Variants in ZC3H12B observed in about 807,000 individuals in gnomAD.
The protein encoded by ZC3H12B is zinc finger CCCH-type containing 12B, also known as probable ribonuclease ZC3H12B.
In ZC3H12B, 7 loss-of-function variants were observed where a neutral mutation model predicts 43.9. The observed-to-expected ratio is 0.16, with a 90% CI of 0.09 to 0.30. ZC3H12B has a LOEUF of 0.30. Ranked by LOEUF, ZC3H12B falls within the 10% of genes least tolerant of loss-of-function variation. The pLI, the probability that ZC3H12B is intolerant of heterozygous loss-of-function variation, is 1.00. For missense variants in ZC3H12B, 475 were observed against 670.2 expected, an observed-to-expected ratio of 0.71 and a Z score of 3.22; for synonymous variants, 222 against 241.7, an observed-to-expected ratio of 0.92 and a Z score of 0.76.
chrX:65,399,802 G>A (rs2066742575), intron 3 of ZC3H12B, among the ~76,000 whole-genome samples: 1 of 112,161 alleles, frequency 8.9e-6, no homozygotes, highest in African/African-American at 3.2e-5. Flanking sequence ...AGATGACTGG[G>A]TAAAGACAAT....
the ZC3H12B span, among the ~76,000 whole-genome samples, chrX:65,063,221 G>A: frequency 8.9e-6 from 1 of 111,792 alleles, no homozygotes; most frequent in Non-Finnish European, 1.9e-5. Context: ...GTAAGAGAGG[G>A]CATCCTTGTC....
At chrX:65,261,422 A>G in the ZC3H12B span, among the ~76,000 whole-genome samples, 313 of 111,353 alleles carry the variant, frequency 2.8e-3, no homozygotes, top group African/African-American at 9.3e-3. Context: ...GCGTAGCATC[A>G]AAGTACACCT....
At chrX:65,426,670 C>A (rs750829992) in intron 3 of ZC3H12B, among the ~76,000 whole-genome samples, 2 of 111,631 alleles carry the variant, frequency 1.8e-5, no homozygotes, top group Non-Finnish European at 3.8e-5. Flanking sequence ...TATGTTGTAT[C>A]TTTGTTCTCA....
rs139614198 is a variant in ZC3H12B, at chrX:65,418,891, C to T, written n.407+20187C>T. 7.8e-3 allele frequency among the ~76,000 whole-genome samples: 871 copies of T among 111,763 alleles called. 6 individuals carry two copies. Among genetic ancestry groups the T allele is most frequent in the Non-Finnish European group, 0.012 (660 of 53,119 alleles). On this transcript the variant is annotated intron_variant and non_coding_transcript_variant, in intron 3 of 5. Coordinates refer to the ZC3H12B transcript ENST00000617377. ...GTACTGTTAATCTTTCTCCATCCTT[C>T]CCCAAAGGGACCTATGGCCTTTTAC...
At chrX:65,190,995 GT>G in the ZC3H12B span, among the ~76,000 whole-genome samples, 2 of 88,308 alleles carry the variant, frequency 2.3e-5, no homozygotes, top group Non-Finnish European at 4.1e-5. Flanking sequence ...TTTATTGAGA[GT>G]TTTTAGCATG....
At chrX:65,385,008 A>G (rs1381906414) in intron 2 of ZC3H12B, among the ~76,000 whole-genome samples, 1 of 111,687 alleles carries the variant, frequency 9.0e-6, no homozygotes, top group African/African-American at 3.3e-5. Context: ...TTTTGTCTAC[A>G]TCTCTGTTTT....
chrX:65,270,767 GA>G, the ZC3H12B span: 1 of 111,566 alleles, frequency 9.0e-6, no homozygotes, highest in Non-Finnish European at 1.9e-5. Flanking sequence ...CTGACTTCTG[GA>G]AGAGTCATGA....
the ZC3H12B span, among the ~76,000 whole-genome samples, chrX:65,058,445 T>C: frequency 1.8e-5 from 2 of 111,906 alleles, no homozygotes; most frequent in East Asian, 5.6e-4. Flanking sequence ...AAGTTTTGTC[T>C]CAGAGGGGTA....
At chrX:65,260,197 AC>A in the ZC3H12B span, among the ~76,000 whole-genome samples, 1 of 110,485 alleles carries the variant, frequency 9.1e-6, no homozygotes, top group African/African-American at 3.3e-5. Flanking sequence ...ATAAAACACC[AC>A]CTGTTCCCAA....
the ZC3H12B span, among the ~76,000 whole-genome samples, chrX:65,244,727 C>CAAAAAAAAAAAAAAAAAAAAAAAAA: frequency 4.9e-5 from 1 of 20,370 alleles, no homozygotes; most frequent in African/African-American, 2.0e-4. Context: ...AATACCTTGC[C>CAAAAAAAAAAAAAAAAAAAAAAAAA]AAAAAAAAAA....
the ZC3H12B span, among the ~76,000 whole-genome samples, chrX:65,167,347 G>A: frequency 9.0e-6 from 1 of 111,529 alleles, no homozygotes; most frequent in Non-Finnish European, 1.9e-5. Flanking sequence ...AAGATCAGAT[G>A]TTTGTAGATG....
chrX:65,078,258 G>A, the ZC3H12B span, among the ~76,000 whole-genome samples: 7 of 112,179 alleles, frequency 6.2e-5, no homozygotes, highest in South Asian at 1.9e-3. Flanking sequence ...TTTCAAGGAT[G>A]GAGATATAAA....
At chrX:65,038,268 TG>T in the ZC3H12B span, among the ~76,000 whole-genome samples, 1 of 111,678 alleles carries the variant, frequency 9.0e-6, no homozygotes, top group African/African-American at 3.2e-5. Context: ...TGGTATCTTT[TG>T]CTGCCAGCAG....
At chrX:65,215,393 C>T in the ZC3H12B span, among the ~76,000 whole-genome samples, 1 of 111,580 alleles carries the variant, frequency 9.0e-6, no homozygotes, top group Non-Finnish European at 1.9e-5. Context: ...GGGAAACTTG[C>T]AGCTTCTCCA....
the ZC3H12B span, among the ~76,000 whole-genome samples, chrX:65,157,790 A>T: frequency 9.3e-6 from 1 of 107,265 alleles, no homozygotes; most frequent in Non-Finnish European, 1.9e-5. Flanking sequence ...TTATTATTAT[A>T]CTTTAAATTT....
At chrX:65,053,571 T>C in the ZC3H12B span, among the ~76,000 whole-genome samples, 1 of 111,849 alleles carries the variant, frequency 8.9e-6, no homozygotes, top group African/African-American at 3.3e-5. Context: ...TAAACATACA[T>C]GTGCATGTGT....
At chrX:65,214,524 G>A in the ZC3H12B span, among the ~76,000 whole-genome samples, 5 of 111,579 alleles carry the variant, frequency 4.5e-5, no homozygotes, top group Non-Finnish European at 7.5e-5. Flanking sequence ...GGAAACAAAT[G>A]TTCATCCGTT....
the ZC3H12B span, among the ~76,000 whole-genome samples, chrX:65,209,582 G>T: frequency 9.4e-6 from 1 of 106,489 alleles, no homozygotes; most frequent in African/African-American, 3.4e-5. Flanking sequence ...ATTTGCTGAG[G>T]AGAGCTTTAC....
At chrX:65,407,879 G>C (rs2066853396) in intron 3 of ZC3H12B, among the ~76,000 whole-genome samples, 1 of 113,703 alleles carries the variant, frequency 8.8e-6, no homozygotes, top group Non-Finnish European at 1.9e-5. Context: ...GAGGGCCGGA[G>C]CCCGCACCGA....
Sources: allele counts gnomAD v4.1 joint callset (sites outside exome capture counted in the v4.1 genomes callset), GRCh38; gene constraint gnomAD v4.1.1; transcripts MANE v1.5; gene names NCBI Gene and HGNC (gene_info 2026-07-23, HGNC 2026-07-21).